Variants in B9D1 observed in about 807,000 individuals in gnomAD.
The protein encoded by B9D1 is B9 domain-containing protein 1.
Under a neutral mutation model 26.1 loss-of-function variants are expected in B9D1, and 20 were observed. The observed-to-expected ratio is 0.77, with a 90% confidence interval of 0.54 to 1.12. The LOEUF (loss-of-function observed/expected upper bound fraction) is 1.12, where lower values mean the gene tolerates loss of function less well. Ranked by LOEUF, B9D1 falls within the 50% of genes most tolerant of loss-of-function variation. The probability of loss-of-function intolerance (pLI) is 0.00; values close to 1 mark genes in which losing one functional copy is unlikely to be tolerated. For synonymous variants in B9D1, 105 were observed against 103.1 expected, an observed-to-expected ratio of 1.02 and a Z score of -0.11; for missense variants, 260 against 273.7, an observed-to-expected ratio of 0.95 and a Z score of 0.35.
At position 19,343,334 on chromosome 17, in the gene B9D1, CTG is replaced by C. The variant is rs1354515816; in HGVS notation, c.598_599del (p.Gln200GlufsTer30). Reference sequence around the variant, plus strand: ...TGTGGAGCCTTCACTGGGGGAAGCTCTGGGGTGGGCTGGGCCCCAACACACCC... The same window carrying C: ...TGTGGAGCCTTCACTGGGGGAAGCTCGGGTGGGCTGGGCCCCAACACACCC... ...TQGVLGPSPP[Q>X]SFPQ On this transcript the variant is annotated frameshift_variant, in exon 7 of 7. Transcript: ENST00000261499. LOFTEE classifies it high-confidence loss of function. The C allele has an allele frequency of 6.2e-7, 1 of 1,614,166 alleles. No individual in the cohort carries two copies. The highest frequency in any genetic ancestry group is 1.7e-5 in the Admixed American group (1 of 60,024).
intron 3 of B9D1, 45 bp downstream of exon 3, chr17:19,357,795 G>T: frequency 7.0e-7 from 1 of 1,433,860 alleles, no homozygotes; most frequent in Non-Finnish European, 9.8e-7. Context: ...GGGGTGCTGT[G>T]TGAAAGCTCT....
upstream of B9D1, among the ~76,000 whole-genome samples, chr17:19,363,339 A>G (rs1911373287): frequency 6.6e-6 from 1 of 152,274 alleles, no homozygotes; most frequent in Admixed American, 6.5e-5. Context: ...CCAATCAGCC[A>G]GCGCTCAGGG....
upstream of B9D1, chr17:19,363,002 G>A: frequency 3.7e-6 from 1 of 269,712 alleles, no homozygotes; most frequent in South Asian, 3.3e-5. Context: ...TCAGCAAGCC[G>A]AGTGTTTAAA....
intron 1 of B9D1, among the ~76,000 whole-genome samples, chr17:19,369,812 G>A (rs1366726885): frequency 1.3e-5 from 2 of 152,158 alleles, no homozygotes; most frequent in Non-Finnish European, 2.9e-5. Flanking sequence ...GTGGAAGATG[G>A]AGATTCACGA....
chr17:19,336,801 T>C (rs1308861824), downstream of B9D1: 4 of 152,656 alleles, frequency 2.6e-5, 1 homozygote, highest in Middle Eastern at 6.8e-3. Flanking sequence ...AGCCGATTCT[T>C]GTGGAGCTTG....
At chr17:19,346,786 C>G (rs2152259712) in intron 5 of B9D1, among the ~76,000 whole-genome samples, 1 of 152,326 alleles carries the variant, frequency 6.6e-6, no homozygotes, top group East Asian at 1.9e-4. Flanking sequence ...TAAGCTCACG[C>G]TCTCCTCAGC....
At chr17:19,360,495 G>T in intron 1 of B9D1, 107 bp from the exon 2 acceptor site, 1 of 969,888 alleles carries the variant, frequency 1.0e-6, no homozygotes, top group Non-Finnish European at 1.7e-6. Context: ...ACACCTGGGA[G>T]TGGGTCTAAG....
chr17:19,376,285 G>C (rs1235535892), intron 1 of B9D1, among the ~76,000 whole-genome samples: 1 of 152,138 alleles, frequency 6.6e-6, no homozygotes, highest in Non-Finnish European at 1.5e-5. Flanking sequence ...CATCTGAATG[G>C]ACTCCCTCCT....
chr17:19,373,741 G>C (rs569841280), intron 1 of B9D1, among the ~76,000 whole-genome samples: 6 of 152,066 alleles, frequency 3.9e-5, no homozygotes, highest in African/African-American at 1.4e-4. Context: ...TGGCCAGGCT[G>C]GTCTCAAACT....
At chr17:19,356,467 T>C (rs1317495661) in intron 3 of B9D1, among the ~76,000 whole-genome samples, 3 of 152,140 alleles carry the variant, frequency 2.0e-5, no homozygotes, top group Admixed American at 6.6e-5. Context: ...AATCAGGAGG[T>C]TGAAATCATC....
At chr17:19,348,165 G>A (rs997957766) in intron 3 of B9D1, among the ~76,000 whole-genome samples, 1 of 151,748 alleles carries the variant, frequency 6.6e-6, no homozygotes, top group African/African-American at 2.4e-5. Context: ...GTACAAGGAG[G>A]CACTTCCAGA....
intron 6 of B9D1, 162 bp from the exon 7 acceptor site, chr17:19,343,623 A>T: frequency 6.3e-7 from 1 of 1,576,302 alleles, no homozygotes; most frequent in Non-Finnish European, 8.6e-7. Flanking sequence ...GGACAGGCAG[A>T]CATGACAAAC....
Position 19,347,731 on chromosome 17 carries a change from A to C in B9D1, c.341+53T>G. The stretch of plus-strand genomic sequence containing the variant: ...GAACCTAAGACAGAAAACGAGGTGA[A>C]GTCTGTCCTAGGACAAGTCCTGCCC... On this transcript the variant is annotated intron_variant, in intron 4 of 6. Transcript: ENST00000261499. The surrounding 1 kb of genome is among the most constrained non-coding windows in gnomAD (Gnocchi z 4.3). 1 of 1,540,578 alleles carries C rather than the reference A, an allele frequency of 6.5e-7. No individual in the cohort carries two copies. Among genetic ancestry groups the C allele is most frequent in the Non-Finnish European group, 9.0e-7 (1 of 1,116,826 alleles).
chr17:19,367,138 G>A (rs75709348), upstream of B9D1, among the ~76,000 whole-genome samples: 1,070 of 152,190 alleles, frequency 7.0e-3, 13 homozygotes, highest in African/African-American at 0.025. Flanking sequence ...AGTGACGGTA[G>A]ATAAAGTAGA....
upstream of B9D1, chr17:19,363,113 C>A (rs1043746077): frequency 1.2e-5 from 2 of 164,956 alleles, no homozygotes; most frequent in Non-Finnish European, 2.7e-5. Context: ...GGGGCTAACT[C>A]TGGAATGCCG....
intron 1 of B9D1, among the ~76,000 whole-genome samples, chr17:19,361,387 A>C (rs1438970498): frequency 1.3e-5 from 2 of 152,150 alleles, no homozygotes; most frequent in Non-Finnish European, 2.9e-5. Context: ...CTGAAGTGAA[A>C]GGTCTGAGAA....
chr17:19,357,759 G>A, intron 3 of B9D1, 81 bp downstream of exon 3: 2 of 999,502 alleles, frequency 2.0e-6, no homozygotes, highest in South Asian at 2.5e-5. Flanking sequence ...AACAGTCATG[G>A]GCTGGATGAG....
At position 19,347,005 on chromosome 17, in the gene B9D1, T is replaced by C; in HGVS notation, c.404+264A>G. The C allele has an allele frequency of 6.5e-7, 1 of 1,540,174 alleles. No homozygotes were observed. Among genetic ancestry groups the C allele is most frequent in the African/African-American group, 1.4e-5 (1 of 72,864 alleles). On this transcript the variant is annotated intron_variant, in intron 5 of 6. Coordinates refer to ENST00000261499, the MANE Select transcript of B9D1 (RefSeq NM_015681.6). The surrounding 1 kb of genome is among the most constrained non-coding windows in gnomAD (Gnocchi z 4.3). Reference sequence around the variant, plus strand: ...TTATGTCATGAGCATTTTTCCCATCTGACAAGAGTTTTTCCTCTGCTCCCT... The same window carrying C: ...TTATGTCATGAGCATTTTTCCCATCCGACAAGAGTTTTTCCTCTGCTCCCT...
At chr17:19,341,146 G>C (rs915138296), downstream of B9D1, 9 of 1,230,128 alleles carry the variant, frequency 7.3e-6, no homozygotes, top group Non-Finnish European at 9.1e-6. Flanking sequence ...CCAGAAGAGG[G>C]TGACTTAGTA....
Sources: allele counts gnomAD v4.1 joint callset (sites outside exome capture counted in the v4.1 genomes callset), GRCh38; gene constraint gnomAD v4.1.1; non-coding constraint Gnocchi (gnomAD v3.1); transcripts MANE v1.5; gene names NCBI Gene and HGNC (gene_info 2026-07-23, HGNC 2026-07-21).